PTDSS1: variants seen among roughly 807,000 people sequenced by gnomAD.
The protein encoded by PTDSS1 is PSS-1.
A neutral mutation model predicts 70.5 loss-of-function variants in PTDSS1; 45 were observed. The observed-to-expected ratio is 0.64, with a 90% CI of 0.50 to 0.82. PTDSS1 has a LOEUF of 0.82. Ranked by LOEUF, PTDSS1 falls within the 40% of genes least tolerant of loss-of-function variation. The pLI is 0.00. For missense variants in PTDSS1, 417 were observed against 586.1 expected (o/e 0.71, Z 2.98); for synonymous variants, 188 against 203.8 (o/e 0.92, Z 0.66).
At chr8:96,287,697 G>T (rs1810843741) in intron 4 of PTDSS1, among the ~76,000 whole-genome samples, 1 of 151,976 alleles carries the variant, frequency 6.6e-6, no homozygotes, top group South Asian at 2.1e-4. Context: ...CCACAGAGAG[G>T]CCAGTAGTCA....
intron 4 of PTDSS1, among the ~76,000 whole-genome samples, chr8:96,293,471 G>A (rs1455022904): frequency 6.6e-6 from 1 of 152,242 alleles, no homozygotes; most frequent in Non-Finnish European, 1.5e-5. Flanking sequence ...CCAGGCTTCA[G>A]CTCTACACTG....
chr8:96,298,425 T>C (rs73271882), intron 5 of PTDSS1, among the ~76,000 whole-genome samples: 1,775 of 152,328 alleles, frequency 0.012, 35 homozygotes, highest in African/African-American at 0.04. Context: ...TCTTTTTACA[T>C]TGGGCCTTCA....
chr8:96,308,908 G>T (rs1389253418), intron 8 of PTDSS1, among the ~76,000 whole-genome samples: 26 of 152,100 alleles, frequency 1.7e-4, no homozygotes, highest in Non-Finnish European at 2.4e-4. Flanking sequence ...GAACTTGTCA[G>T]TAACATTCCA....
rs1811591117 is a variant in PTDSS1 at position 96,336,162 on chromosome 8, C to T, written c.*2596C>T. 1 of 151,988 alleles carries T rather than the reference C, an allele frequency of 6.6e-6. No homozygotes were observed. The highest frequency in any genetic ancestry group is 1.5e-5 in the Non-Finnish European group (1 of 68,032). The allele number at this position is 151,988 out of a possible 1,614,324, so 9.4% of individuals were successfully genotyped here. A position where few individuals can be genotyped will look rare whatever the true frequency, so the allele number is the denominator to read the frequency against. ...GGACCTGTTAAGCATTTTGATGATA[C>T]AAGACATCCTATCAATGCCAGTCTT... On this transcript the variant is annotated 3_prime_UTR_variant, in exon 13 of 13. Coordinates refer to ENST00000517309, the MANE Select transcript of PTDSS1 (RefSeq NM_014754.3).
chr8:96,283,412 T>G (rs71514912), intron 2 of PTDSS1, among the ~76,000 whole-genome samples: 3 of 152,206 alleles, frequency 2.0e-5, no homozygotes, highest in Non-Finnish European at 2.9e-5. Flanking sequence ...TCTGCTTTTT[T>G]AATGAAAAAA....
intron 8 of PTDSS1, among the ~76,000 whole-genome samples, chr8:96,307,393 C>A (rs528774031): frequency 3.4e-4 from 48 of 139,798 alleles, no homozygotes; most frequent in African/African-American, 1.3e-3. Flanking sequence ...TAGATCTATA[C>A]CTTGGTCAAA....
intron 10 of PTDSS1, among the ~76,000 whole-genome samples, chr8:96,327,746 G>A (rs1056163305): frequency 6.6e-6 from 1 of 152,166 alleles, no homozygotes; most frequent in Non-Finnish European, 1.5e-5. Flanking sequence ...TTACCATAAT[G>A]TAGAAGCCAA....
chr8:96,285,371 G>C (rs552311999), intron 3 of PTDSS1, among the ~76,000 whole-genome samples: 1 of 152,286 alleles, frequency 6.6e-6, no homozygotes, highest in African/African-American at 2.4e-5. Flanking sequence ...GAGAGTCATC[G>C]GGCACAGATG....
At chr8:96,309,452 A>G (rs914260815) in intron 8 of PTDSS1, 105 bp from the exon 9 acceptor site, 1 of 957,764 alleles carries the variant, frequency 1.0e-6, no homozygotes, top group South Asian at 1.4e-5. Flanking sequence ...GCAGCCTGAC[A>G]TGGGACAAGG....
chr8:96,320,412 G>C, intron 10 of PTDSS1, 67 bp downstream of exon 10: 1 of 1,336,172 alleles, frequency 7.5e-7, no homozygotes, highest in Non-Finnish European at 1.1e-6. Flanking sequence ...AACGGAGGGG[G>C]GCAAAGAAAC....
At position 96,303,785 on chromosome 8, in the gene PTDSS1, G is replaced by A. The variant is rs4327833; in HGVS notation, c.753-255G>A. 1 allele frequency among the ~76,000 whole-genome samples: 152,275 copies of A among 152,304 alleles called. 76,123 individuals are homozygous for A. The highest frequency in any genetic ancestry group is 1 in the Middle Eastern group (294 of 294). ...GAATATGGAGTGTGTGCAGTTTTAC[G>A]TGGGAGACAAGCAGTGGGAGAACAG... On this transcript the variant is annotated intron_variant, in intron 6 of 12. Coordinates refer to ENST00000517309, the MANE Select transcript of PTDSS1 (RefSeq NM_014754.3).
In PTDSS1 at chr8:96,295,087, AT is replaced by A; in HGVS notation, c.442-7del. 1.3e-6 allele frequency: 2 copies of A among 1,587,486 alleles called. No individual in the cohort carries two copies. The highest frequency in any genetic ancestry group is 1.7e-6 in the Non-Finnish European group (2 of 1,168,620). ...AGTTTCACTAATTATTCTCTTTTTT[AT>A]TTTAAATAGGAGTATGCTGTGAACT... is the stretch of plus-strand genomic sequence containing the variant. On this transcript the variant is annotated splice_polypyrimidine_tract_variant and intron_variant, in intron 4 of 12. Coordinates refer to ENST00000517309, the MANE Select transcript of PTDSS1 (RefSeq NM_014754.3).
intron 9 of PTDSS1, among the ~76,000 whole-genome samples, chr8:96,313,323 C>T (rs986487821): frequency 6.6e-6 from 1 of 152,190 alleles, no homozygotes; most frequent in African/African-American, 2.4e-5. Context: ...GGATCCCTAA[C>T]AGAGAGAAAG....
chr8:96,285,348 A>G (rs888721886), intron 3 of PTDSS1, among the ~76,000 whole-genome samples: 1 of 152,196 alleles, frequency 6.6e-6, no homozygotes, highest in African/African-American at 2.4e-5. Flanking sequence ...GGAGAAGAGT[A>G]GGAGAGAAGT....
intron 6 of PTDSS1, among the ~76,000 whole-genome samples, chr8:96,302,169 T>C (rs1289269835): frequency 2.0e-5 from 3 of 151,960 alleles, no homozygotes; most frequent in Non-Finnish European, 4.4e-5. Context: ...CCAGGTGGGA[T>C]TACAGGCATG....
At chr8:96,278,972 C>CCCTTTTT (rs1554582702) in intron 2 of PTDSS1, among the ~76,000 whole-genome samples, 1 of 122,632 alleles carries the variant, frequency 8.2e-6, no homozygotes, top group African/African-American at 3.2e-5. Flanking sequence ...TTCAGCCCCC[C>CCCTTTTT]TTTTTTTTTT....
chr8:96,329,680 C>A (rs923035123), intron 10 of PTDSS1, among the ~76,000 whole-genome samples: 1 of 152,108 alleles, frequency 6.6e-6, no homozygotes, highest in Non-Finnish European at 1.5e-5. Flanking sequence ...GCAATAAAAA[C>A]TGGGGTCCAC....
chr8:96,318,413 G>T (rs994889903), intron 9 of PTDSS1, among the ~76,000 whole-genome samples: 1 of 152,112 alleles, frequency 6.6e-6, no homozygotes, highest in African/African-American at 2.4e-5. Context: ...CTTATGGGTA[G>T]ATAATCACAC....
chr8:96,319,380 C>T (rs1258503259), intron 9 of PTDSS1, among the ~76,000 whole-genome samples: 1 of 152,036 alleles, frequency 6.6e-6, no homozygotes. Flanking sequence ...CCATTCTTAC[C>T]TCCAAGTCCT....
Sources: allele counts gnomAD v4.1 joint callset (sites outside exome capture counted in the v4.1 genomes callset), GRCh38; gene constraint gnomAD v4.1.1; transcripts MANE v1.5; gene names NCBI Gene and HGNC (gene_info 2026-07-23, HGNC 2026-07-21).